The following FAM168A variants were observed in gnomAD, a reference collection of about 807,000 sequenced individuals.
The protein encoded by FAM168A is family with sequence similarity 168 member A, also known as protein FAM168A.
Under a neutral mutation model 28.5 loss-of-function variants are expected in FAM168A, and 3 were observed. That is an observed-to-expected ratio of 0.11 (90% CI 0.05 to 0.27). The LOEUF is 0.27. Among genes scored for constraint, FAM168A ranks in the 10% least tolerant of loss-of-function variants. The pLI, the probability that FAM168A is intolerant of heterozygous loss-of-function variation, is 1.00. For synonymous variants in FAM168A, 122 were observed against 124.2 expected, an observed-to-expected ratio of 0.98 and a Z score of 0.12; for missense variants, 222 against 311.5, an observed-to-expected ratio of 0.71 and a Z score of 2.16.
chr11:73,457,065 T>C (rs1213782555), intron 2 of FAM168A, among the ~76,000 whole-genome samples: 1 of 152,206 alleles, frequency 6.6e-6, no homozygotes, highest in Non-Finnish European at 1.5e-5. Flanking sequence ...ATTCTACTTA[T>C]ATGAAATATC....
intron 2 of FAM168A, among the ~76,000 whole-genome samples, chr11:73,467,333 T>C (rs1294887844): frequency 6.6e-6 from 1 of 151,482 alleles, no homozygotes. Flanking sequence ...TTATCCCAGT[T>C]CATCACAGAA....
chr11:73,541,790 T>TATAGAATGTTTATGATGTTTATGATGATG (rs1331881105), intron 1 of FAM168A, among the ~76,000 whole-genome samples: 2 of 152,204 alleles, frequency 1.3e-5, no homozygotes, highest in African/African-American at 4.8e-5. Context: ...TATAAAGTAT[T>TATAGAATGTTTATGATGTTTATGATGATG]ATAGAATGTT....
intron 1 of FAM168A, among the ~76,000 whole-genome samples, chr11:73,489,170 C>A (rs950084016): frequency 6.6e-6 from 1 of 152,110 alleles, no homozygotes; most frequent in African/African-American, 2.4e-5. Flanking sequence ...TGTGAGCCAC[C>A]GCACCAGGCC....
At chr11:73,466,149 G>A (rs2134572744) in intron 2 of FAM168A, among the ~76,000 whole-genome samples, 1 of 152,306 alleles carries the variant, frequency 6.6e-6, no homozygotes, top group East Asian at 1.9e-4. Flanking sequence ...TGAAGCAGAT[G>A]ACAGTACAAT....
At chr11:73,444,985 C>T (rs952063821) in intron 2 of FAM168A, among the ~76,000 whole-genome samples, 10 of 152,042 alleles carry the variant, frequency 6.6e-5, no homozygotes, top group South Asian at 2.1e-4. Context: ...ATTGGCTGGC[C>T]GCGGTGGCTC....
In FAM168A at chr11:73,494,088, A is replaced by T. The variant is rs564314232; in HGVS notation, c.-18-25596T>A. Among the ~76,000 whole-genome samples the T allele has an allele frequency of 2.5e-3, 375 of 152,204 alleles. 1 individual carries two copies. The highest frequency in any genetic ancestry group is 3.8e-3 in the Non-Finnish European group (259 of 68,014). ...CTAATAAAGAGCCAAGAACACCAAG[A>T]CATGTACATTATGTACAGTATGGAC... On this transcript the variant is annotated intron_variant, in intron 1 of 7. Coordinates refer to ENST00000356467, the MANE Select transcript of FAM168A (RefSeq NM_015159.3).
intron 1 of FAM168A, among the ~76,000 whole-genome samples, chr11:73,542,409 C>T (rs1943668961): frequency 6.6e-6 from 1 of 152,202 alleles, no homozygotes; most frequent in Non-Finnish European, 1.5e-5. Context: ...TCTCCTTTGA[C>T]TACTTTCTTA....
intron 2 of FAM168A, among the ~76,000 whole-genome samples, chr11:73,461,571 G>T (rs536140476): frequency 1.2e-4 from 18 of 152,268 alleles, no homozygotes; most frequent in African/African-American, 3.6e-4. Context: ...TAGATAAATA[G>T]GATGAGCAGG....
intron 2 of FAM168A, among the ~76,000 whole-genome samples, chr11:73,438,869 A>G (rs1476534007): frequency 6.6e-6 from 1 of 152,144 alleles, no homozygotes; most frequent in Non-Finnish European, 1.5e-5. Flanking sequence ...ACAAAACCCC[A>G]TTTTAGTCCT....
intron 1 of FAM168A, among the ~76,000 whole-genome samples, chr11:73,530,032 C>T (rs1943497217): frequency 1.3e-5 from 2 of 152,012 alleles, no homozygotes; most frequent in East Asian, 3.9e-4. Context: ...GGTGATACAT[C>T]CACCTCAGCC....
chr11:73,430,019 C>G (rs1400308826), intron 3 of FAM168A: 1 of 152,492 alleles, frequency 6.6e-6, no homozygotes, highest in African/African-American at 2.4e-5. Flanking sequence ...AACCACAGAG[C>G]CCATACTCTT....
At chr11:73,470,987 T>C (rs1256868828) in intron 1 of FAM168A, among the ~76,000 whole-genome samples, 1 of 152,148 alleles carries the variant, frequency 6.6e-6, no homozygotes, top group Admixed American at 6.5e-5. Context: ...CTGGGGTAGA[T>C]CATGCCTGGG....
chr11:73,523,747 C>G (rs1943414813), intron 1 of FAM168A, among the ~76,000 whole-genome samples: 1 of 152,116 alleles, frequency 6.6e-6, no homozygotes, highest in Non-Finnish European at 1.5e-5. Flanking sequence ...CCATGCCCAG[C>G]CCCTCTTCCT....
chr11:73,421,889 T>G (rs908422824), intron 3 of FAM168A, among the ~76,000 whole-genome samples: 2 of 152,234 alleles, frequency 1.3e-5, no homozygotes, highest in African/African-American at 4.8e-5. Flanking sequence ...TTCAAATTTT[T>G]TCCTCCAAGT....
chr11:73,469,560 A>G (rs1867784821), intron 1 of FAM168A, among the ~76,000 whole-genome samples: 1 of 152,176 alleles, frequency 6.6e-6, no homozygotes, highest in African/African-American at 2.4e-5. Context: ...GTGGGCTAAC[A>G]AGGAGAGGAA....
At chr11:73,536,580 G>A (rs570337690) in intron 1 of FAM168A, among the ~76,000 whole-genome samples, 17 of 152,166 alleles carry the variant, frequency 1.1e-4, no homozygotes, top group Admixed American at 4.6e-4. Context: ...CCAGCTACTC[G>A]GGAGGCTGAG....
intron 3 of FAM168A, among the ~76,000 whole-genome samples, chr11:73,422,238 C>A (rs1866806181): frequency 6.6e-6 from 1 of 152,186 alleles, no homozygotes; most frequent in Non-Finnish European, 1.5e-5. Flanking sequence ...GCAAGTGCGA[C>A]TGTGCCTTTG....
At chr11:73,430,806 CA>C (rs552699471) in intron 2 of FAM168A, 36 bp from the exon 3 acceptor site, 40 of 1,429,926 alleles carry the variant, frequency 2.8e-5, no homozygotes, top group Middle Eastern at 1.9e-4. Flanking sequence ...TTTAGTTAGG[CA>C]AAAAAAACAA....
intron 1 of FAM168A, among the ~76,000 whole-genome samples, chr11:73,563,428 CTG>C (rs1436409714): frequency 5.9e-5 from 9 of 152,164 alleles, no homozygotes; most frequent in African/African-American, 2.2e-4. Flanking sequence ...ATGCAATAAA[CTG>C]TAGCTGCTAT....
Sources: gnomAD v4.1 joint callset for allele counts (sites outside exome capture counted in the v4.1 genomes callset) on GRCh38, gnomAD v4.1.1 for gene constraint, MANE v1.5 for transcripts, NCBI Gene and HGNC (gene_info 2026-07-23, HGNC 2026-07-21) for gene names.